Variants in PCM1 observed in about 807,000 individuals in gnomAD.
PCM1 encodes the protein pericentriolar material 1 protein.
PCM1 carries 157 observed loss-of-function variants against 241.9 expected under a neutral mutation model. The observed-to-expected ratio is 0.65, with a 90% CI of 0.57 to 0.74. The LOEUF (loss-of-function observed/expected upper bound fraction) is 0.74. Ranked by LOEUF, PCM1 falls within the 30% of genes least tolerant of loss-of-function variation. PCM1 has a pLI of 0.00. For synonymous variants in PCM1, 1,085 were observed against 784.9 expected, an observed-to-expected ratio of 1.38 and a Z score of -6.39; for missense variants, 3,478 against 2,360.1, an observed-to-expected ratio of 1.47 and a Z score of -9.81.
intron 2 of PCM1, among the ~76,000 whole-genome samples, chr8:17,932,092 G>T (rs906150420): frequency 2.0e-5 from 3 of 152,116 alleles, no homozygotes; most frequent in South Asian, 2.1e-4. Flanking sequence ...ACACCGACAG[G>T]TTATATTGTC....
At chr8:17,986,161 T>G (rs1214752778) in intron 26 of PCM1, 74 bp downstream of exon 26, 2 of 1,071,850 alleles carry the variant, frequency 1.9e-6, no homozygotes, top group Non-Finnish European at 2.6e-6. Flanking sequence ...TAGATTATTG[T>G]CAAATTGTAG....
chr8:17,952,625 T>C (rs986157985), intron 8 of PCM1, among the ~76,000 whole-genome samples: 3 of 152,204 alleles, frequency 2.0e-5, no homozygotes, highest in South Asian at 2.1e-4. Context: ...TTAGGTATTA[T>C]AAGTAGTCTA....
intron 5 of PCM1, 71 bp from the exon 6 acceptor site, chr8:17,939,620 G>T: frequency 2.6e-6 from 2 of 759,042 alleles, no homozygotes; most frequent in South Asian, 6.4e-5. Context: ...TGTTGCTATT[G>T]AACTAATTAT....
intron 30 of PCM1, among the ~76,000 whole-genome samples, chr8:18,007,605 T>G (rs1376486902): frequency 6.6e-6 from 1 of 152,226 alleles, no homozygotes; most frequent in African/African-American, 2.4e-5. Flanking sequence ...CAGTCTAAGG[T>G]TTGACTGCTT....
Position 17,950,466 on chromosome 8 carries a change from T to G in PCM1, c.962-149T>G, listed in dbSNP as rs564204094. 7.8e-5 allele frequency: 45 copies of G among 577,306 alleles called. No individual in the cohort carries two copies. The East Asian group carries it at 1.2e-3, about 15-fold the overall frequency. The allele number at this position is 577,306 out of a possible 1,614,324, so 35.8% of individuals were successfully genotyped here. ...AGGTGGTAACTTCTAATAAAATGATTGTTGGCAGATAGATCGGATTGTTAA... is the reference window on the plus strand; with the variant it reads ...AGGTGGTAACTTCTAATAAAATGATGGTTGGCAGATAGATCGGATTGTTAA... On this transcript the variant is annotated intron_variant, in intron 7 of 38. Coordinates refer to ENST00000325083, the MANE Select transcript of PCM1 (RefSeq NM_006197.4).
intron 26 of PCM1, among the ~76,000 whole-genome samples, chr8:17,989,218 T>C (rs1417514391): frequency 6.6e-6 from 1 of 152,022 alleles, no homozygotes; most frequent in African/African-American, 2.4e-5. Context: ...TCCATTTGTA[T>C]GAAGTTCTAC....
intron 6 of PCM1, among the ~76,000 whole-genome samples, chr8:17,941,994 C>G (rs1012892821): frequency 6.6e-6 from 1 of 151,664 alleles, no homozygotes; most frequent in Non-Finnish European, 1.5e-5. Flanking sequence ...AATTCTGTCC[C>G]TTACTGTTTT....
Position 17,966,348 on chromosome 8 carries a change from A to T in PCM1, c.3096A>T (p.Gln1032His). 1 of 1,613,890 alleles carries T rather than the reference A, an allele frequency of 6.2e-7. No individual in the cohort carries two copies. The highest frequency in any genetic ancestry group is 8.5e-7 in the Non-Finnish European group (1 of 1,179,830). Residue 1032 changes from glutamine to histidine, a missense_variant, in exon 20 of 39, where the codon CAA becomes CAT. Coordinates refer to ENST00000325083, the MANE Select transcript of PCM1 (RefSeq NM_006197.4). ...QDQQTLSCLL[Q>H]TLLTGPYSVM... ...AATAGACTCTATCTTGTCTGCTACA[A>T]ACTCTTCTCACGGGTCCTTACAGTG...
chr8:18,025,643 A>G lies in PCM1; in HGVS notation c.6034A>G (p.Thr2012Ala), dbSNP rs768119487. Residue 2012 changes from threonine (T) to alanine (A), a missense_variant, in exon 38 of 39, where the codon ACA becomes GCA. Thr to Ala is a moderately conservative substitution (Grantham distance 58). Transcript: ENST00000325083. ...CGAAGAATTAGCTGGAAATTCTGAG[A>G]CACTAAAAGAACCTGGTAAGAGTTA... ...QTEELAGNSETLKEPETVGAQ... is the reference protein window; with the variant it reads ...QTEELAGNSEALKEPETVGAQ... The G allele has an allele frequency of 6.5e-7, 1 of 1,549,416 alleles. No homozygotes were observed. The highest frequency in any genetic ancestry group is 1.9e-5 in the Admixed American group (1 of 53,016).
At chr8:17,997,026 A>G (rs1720072985) in intron 29 of PCM1, among the ~76,000 whole-genome samples, 1 of 152,172 alleles carries the variant, frequency 6.6e-6, no homozygotes, top group African/African-American at 2.4e-5. Context: ...CTTACTGCTC[A>G]TTAATGTCTT....
chr8:18,025,332 A>G (rs762114153), intron 36 of PCM1, 29 bp from the exon 37 acceptor site: 4 of 1,122,350 alleles, frequency 3.6e-6, no homozygotes, highest in Non-Finnish European at 5.4e-6. Flanking sequence ...GATCTAGAGT[A>G]TGTATTTTTT....
At chr8:17,924,991 T>C (rs1247291636) in intron 2 of PCM1, 1 of 152,248 alleles carries the variant, frequency 6.6e-6, no homozygotes, top group Non-Finnish European at 1.5e-5. Context: ...CTGTCATTCC[T>C]AATTATTAAT....
chr8:18,004,611 T>G (rs796440477), intron 29 of PCM1, among the ~76,000 whole-genome samples: 10 of 152,322 alleles, frequency 6.6e-5, no homozygotes, highest in African/African-American at 2.4e-4. Context: ...TTATGATGTC[T>G]CATTTCACTT....
chr8:18,023,228 C>A (rs888919477), intron 36 of PCM1, among the ~76,000 whole-genome samples: 10 of 152,082 alleles, frequency 6.6e-5, no homozygotes, highest in Admixed American at 5.9e-4. Context: ...CCTAAAATGA[C>A]CAGATATGAC....
At chr8:17,999,706 T>C (rs2088524423) in intron 29 of PCM1, among the ~76,000 whole-genome samples, 1 of 152,208 alleles carries the variant, frequency 6.6e-6, no homozygotes, top group Non-Finnish European at 1.5e-5. Context: ...TAAAAGCAGG[T>C]ACCATGATTG....
intron 7 of PCM1, among the ~76,000 whole-genome samples, chr8:17,947,923 C>G (rs208766): frequency 0.53 from 81,021 of 151,964 alleles, 22,731 homozygotes; most frequent in Middle Eastern, 0.64. Context: ...TTCCTCATAG[C>G]CATGTGTGAA....
At chr8:17,927,355 T>C (rs574016083) in intron 2 of PCM1, 5 of 152,266 alleles carry the variant, frequency 3.3e-5, no homozygotes, top group African/African-American at 1.2e-4. Flanking sequence ...AATCAAGTGA[T>C]CCGCCTGCCT....
chr8:17,930,101 CTTTTTT>C (rs3988353), intron 2 of PCM1, among the ~76,000 whole-genome samples: 3 of 109,292 alleles, frequency 2.7e-5, no homozygotes, highest in African/African-American at 9.9e-5. Context: ...GGAATACTTC[CTTTTTT>C]TTTTTTTTTT....
At chr8:17,938,055 C>A (rs994558847) in intron 4 of PCM1, among the ~76,000 whole-genome samples, 1 of 152,124 alleles carries the variant, frequency 6.6e-6, no homozygotes, top group South Asian at 2.1e-4. Flanking sequence ...TACATTGATT[C>A]ATTGGGTCCA....
Sources: gnomAD v4.1 joint callset for allele counts (sites outside exome capture counted in the v4.1 genomes callset) on GRCh38, gnomAD v4.1.1 for gene constraint, MANE v1.5 for transcripts, NCBI Gene and HGNC (gene_info 2026-07-23, HGNC 2026-07-21) for gene names.